CCDC171: variants seen among roughly 807,000 people sequenced by gnomAD.
The protein encoded by CCDC171 is coiled-coil domain-containing protein 171.
CCDC171 carries 177 observed loss-of-function variants against 168.2 expected under a neutral mutation model. The observed-to-expected ratio is 1.05, with a 90% CI of 0.93 to 1.19. The LOEUF is 1.19. CCDC171 is among the 50% of genes most tolerant of loss of function. The probability of loss-of-function intolerance (pLI) is 0.00; values close to 1 mark genes in which losing one functional copy is unlikely to be tolerated. For synonymous variants in CCDC171, 687 were observed against 540.8 expected, an observed-to-expected ratio of 1.27 and a Z score of -3.75; for missense variants, 1,991 against 1,539.0, an observed-to-expected ratio of 1.29 and a Z score of -4.91.
chr9:15,940,852 A>G (rs561315385), intron 25 of CCDC171, among the ~76,000 whole-genome samples: 22 of 151,880 alleles, frequency 1.4e-4, no homozygotes, highest in Non-Finnish European at 2.9e-4. Context: ...GTGAGACCCT[A>G]TCTCACTAGG....
intron 6 of CCDC171, among the ~76,000 whole-genome samples, chr9:15,617,792 G>A (rs1319679455): frequency 1.3e-5 from 2 of 152,198 alleles, no homozygotes; most frequent in African/African-American, 4.8e-5. Flanking sequence ...CTGCAGGTCT[G>A]CTGCAGTTTG....
chr9:16,099,668 G>T, the CCDC171 span, among the ~76,000 whole-genome samples: 1 of 152,212 alleles, frequency 6.6e-6, no homozygotes, highest in African/African-American at 2.4e-5. Flanking sequence ...ATCCCAGTTT[G>T]CCATATTCGT....
chr9:15,684,613 T>A (rs2050256810), intron 10 of CCDC171, among the ~76,000 whole-genome samples: 1 of 152,076 alleles, frequency 6.6e-6, no homozygotes, highest in Non-Finnish European at 1.5e-5. Flanking sequence ...AAAGTGAGCA[T>A]GAGGTTTTGA....
chr9:15,677,903 TATATATATATATATATATATATAA>T (rs541929035), intron 9 of CCDC171, among the ~76,000 whole-genome samples: 2,834 of 26,548 alleles, frequency 0.11, 458 homozygotes, highest in African/African-American at 0.28. Context: ...TATATATATA[TATATATATATATATATATATATAA>T]GAGATGTGGT....
intron 21 of CCDC171, among the ~76,000 whole-genome samples, chr9:15,786,319 C>G (rs1588485518): frequency 6.6e-6 from 1 of 151,838 alleles, no homozygotes; most frequent in African/African-American, 2.4e-5. Context: ...ATTTTTTTCA[C>G]TTTTTTACAC....
chr9:16,076,781 C>G, the CCDC171 span, among the ~76,000 whole-genome samples: 1 of 152,286 alleles, frequency 6.6e-6, no homozygotes, highest in Middle Eastern at 3.4e-3. Flanking sequence ...GTTAATGGCT[C>G]TGAAAATATA....
intron 16 of CCDC171, among the ~76,000 whole-genome samples, chr9:15,742,960 G>A (rs1293847929): frequency 2.7e-5 from 4 of 149,676 alleles, no homozygotes; most frequent in East Asian, 2.0e-4. Flanking sequence ...TTTTTTTTTT[G>A]TAGAGACAGG....
chr9:15,835,984 C>G (rs974820099), intron 21 of CCDC171, among the ~76,000 whole-genome samples: 3 of 151,880 alleles, frequency 2.0e-5, no homozygotes, highest in African/African-American at 7.3e-5. Flanking sequence ...TCTATAATGT[C>G]CTTATATTTA....
intron 21 of CCDC171, among the ~76,000 whole-genome samples, chr9:15,828,897 A>C (rs558670515): frequency 6.6e-6 from 1 of 152,298 alleles, no homozygotes; most frequent in South Asian, 2.1e-4. Context: ...TCTTTAGTTC[A>C]TAAGTGAGGT....
chr9:15,662,305 A>C (rs2048379400), intron 8 of CCDC171, among the ~76,000 whole-genome samples: 1 of 151,888 alleles, frequency 6.6e-6, no homozygotes, highest in Non-Finnish European at 1.5e-5. Context: ...AAAAAGAATA[A>C]ACATTTCAAT....
At chr9:16,063,224 G>A (rs1475452096), downstream of CCDC171, among the ~76,000 whole-genome samples, 3 of 152,186 alleles carry the variant, frequency 2.0e-5, no homozygotes, top group East Asian at 5.8e-4. Flanking sequence ...AAGTAATAGA[G>A]TGAGCAGAAG....
At chr9:15,716,844 A>G (rs990083051) in intron 11 of CCDC171, among the ~76,000 whole-genome samples, 8 of 152,310 alleles carry the variant, frequency 5.3e-5, no homozygotes, top group Admixed American at 1.3e-4. Flanking sequence ...CAAAGATTCC[A>G]CTTCTCAACA....
chr9:16,098,011 T>C, the CCDC171 span, among the ~76,000 whole-genome samples: 3 of 152,156 alleles, frequency 2.0e-5, no homozygotes, highest in Non-Finnish European at 4.4e-5. Context: ...CTGTGAGAAA[T>C]AAGGAGCTAG....
intron 21 of CCDC171, among the ~76,000 whole-genome samples, chr9:15,832,632 T>C (rs1354514776): frequency 6.6e-6 from 1 of 152,144 alleles, no homozygotes; most frequent in Non-Finnish European, 1.5e-5. Context: ...TTACCATGAA[T>C]GGGGCTTGAG....
At chr9:15,612,318 G>T (rs1431528412) in intron 6 of CCDC171, among the ~76,000 whole-genome samples, 1 of 152,096 alleles carries the variant, frequency 6.6e-6, no homozygotes, top group Non-Finnish European at 1.5e-5. Context: ...ATTATCACTT[G>T]TCAGTTTGCT....
intron 14 of CCDC171, among the ~76,000 whole-genome samples, chr9:15,725,260 T>C (rs962284618): frequency 6.6e-6 from 1 of 152,166 alleles, no homozygotes; most frequent in Non-Finnish European, 1.5e-5. Context: ...CTCCTAACAG[T>C]CCTTTCAAGG....
rs569996548 is a variant in CCDC171, at chr9:15,567,701, C to G, written c.41+3572C>G. ...ACAAGGTCTTGCTCTGTTGCCCAGG[C>G]TAGAGTACAGTGGCATGATCTTAGC... is the stretch of plus-strand genomic sequence containing the variant. On this transcript the variant is annotated intron_variant, in intron 2 of 25. Transcript: ENST00000380701. 7.2e-5 allele frequency among the ~76,000 whole-genome samples: 11 copies of G among 151,968 alleles called. No homozygotes were observed. In the East Asian group the frequency reaches 2.1e-3, roughly 29 times the overall value.
Position 15,792,403 on chromosome 9 carries a change from G to T in CCDC171, c.3267+7709G>T, listed in dbSNP as rs181940364. ...AACCAAGTTGGAAAACACTCTTCAG[G>T]ATATTATCCAGGAGAACTTCCCCAA... is the stretch of plus-strand genomic sequence containing the variant. On this transcript the variant is annotated intron_variant, in intron 21 of 25. Transcript: ENST00000380701. Among the ~76,000 whole-genome samples the T allele has an allele frequency of 5.2e-3, 795 of 152,232 alleles. 6 individuals carry two copies. Among genetic ancestry groups the T allele is most frequent in the African/African-American group, 0.019 (778 of 41,544 alleles).
chr9:15,816,798 T>A (rs10738414), intron 21 of CCDC171, among the ~76,000 whole-genome samples: 104,750 of 117,560 alleles, frequency 0.89, 50,097 homozygotes, highest in East Asian at 0.98. Flanking sequence ...TTAATAACCT[T>A]TTTTAATGAA....
Sources: gnomAD v4.1 joint callset for allele counts (sites outside exome capture counted in the v4.1 genomes callset) on GRCh38, gnomAD v4.1.1 for gene constraint, MANE v1.5 for transcripts, NCBI Gene and HGNC (gene_info 2026-07-23, HGNC 2026-07-21) for gene names.